The following MARK4 variants were observed in gnomAD, a reference collection of about 807,000 sequenced individuals.
MARK4 encodes the protein MAP/microtubule affinity-regulating kinase 4.
Under a neutral mutation model 81.5 loss-of-function variants are expected in MARK4, and 19 were observed. That is an observed-to-expected ratio of 0.23 (90% CI 0.16 to 0.34). MARK4 has a LOEUF of 0.34. Ranked by LOEUF, MARK4 falls within the 10% of genes least tolerant of loss-of-function variation. MARK4 has a pLI of 1.00. For missense variants in MARK4, 772 were observed against 1,058.8 expected (o/e 0.73, Z 3.76); for synonymous variants, 436 against 439.0 (o/e 0.99, Z 0.08).
intron 8 of MARK4, among the ~76,000 whole-genome samples, chr19:45,274,671 C>G (rs1054596988): frequency 6.6e-6 from 1 of 152,060 alleles, no homozygotes. Flanking sequence ...CAGGCTCTGA[C>G]ACTCCGGCCA....
intron 14 of MARK4, among the ~76,000 whole-genome samples, chr19:45,297,167 G>C (rs569941754): frequency 2.0e-5 from 3 of 152,246 alleles, no homozygotes; most frequent in East Asian, 3.9e-4. Flanking sequence ...CCCTGCTGTC[G>C]ACTAGGAGGG....
At chr19:45,300,251 A>G (rs1409317684) in intron 16 of MARK4, among the ~76,000 whole-genome samples, 1 of 148,146 alleles carries the variant, frequency 6.8e-6, no homozygotes, top group Non-Finnish European at 1.5e-5. Context: ...AGGCTGAGGC[A>G]GGAGAATCGC....
intron 16 of MARK4, among the ~76,000 whole-genome samples, chr19:45,301,779 C>T (rs62120865): frequency 0.2 from 29,790 of 149,328 alleles, 3,799 homozygotes; most frequent in Non-Finnish European, 0.3. Context: ...GCAGGAGAAT[C>T]GCTTCAACCC....
In MARK4 at chr19:45,304,784, C is replaced by A. The variant is rs1971028014; in HGVS notation, c.*2074C>A. 6.5e-6 allele frequency: 1 copy of A among 152,818 alleles called. No individual in the cohort carries two copies. The highest frequency in any genetic ancestry group is 2.1e-4 in the South Asian group (1 of 4,842). 9.5% of individuals were successfully genotyped at this position (152,818 alleles called of 1,614,324 possible). A position where few individuals can be genotyped will look rare whatever the true frequency, so the allele number is the denominator to read the frequency against. ...GGCTTCCTGGAGGAGAAGGAGCCAG[C>A]TAGACATGGATAGGAGTGCGTTTTA... On this transcript the variant is annotated 3_prime_UTR_variant, in exon 17 of 17. Transcript: ENST00000262891.
chr19:45,298,123 C>A (rs755140669), intron 15 of MARK4, 169 bp downstream of exon 15: 2 of 1,612,900 alleles, frequency 1.2e-6, no homozygotes, highest in Non-Finnish European at 1.7e-6. Context: ...TCACCCCTCA[C>A]CTCCCTCCTC....
chr19:45,254,007 A>G (rs345416), intron 1 of MARK4, among the ~76,000 whole-genome samples: 189 of 152,116 alleles, frequency 1.2e-3, no homozygotes, highest in African/African-American at 4.0e-3. Context: ...AACTCTTGTC[A>G]CTAAGACCTG....
At chr19:45,265,414 A>G (rs1036039656) in intron 6 of MARK4, among the ~76,000 whole-genome samples, 1 of 151,802 alleles carries the variant, frequency 6.6e-6, no homozygotes, top group African/African-American at 2.4e-5. Flanking sequence ...GCATGCCGGT[A>G]TGTGGGTGCC....
In MARK4 at chr19:45,280,656, A is replaced by C; in HGVS notation, c.1198A>C (p.Ser400Arg). The C allele has an allele frequency of 6.2e-7, 1 of 1,614,190 alleles. No homozygotes were observed. The highest frequency in any genetic ancestry group is 1.1e-5 in the South Asian group (1 of 91,092). The change falls in exon 12 of 17, where the codon AGC becomes CGC. Residue 400 changes from serine to arginine, a missense_variant. Ser to Arg is a moderately radical substitution (Grantham distance 110). Around this residue, in one of 3 missense-constraint regions of MARK4, gnomAD observed 548 missense variants for 624.3 expected, o/e 0.88. Transcript: ENST00000262891. ...PSDTTNGTSS[S>R]KGTSHSKGQR... ...CGACACCACCAACGGAACAAGTTCCAGCAAAGGCACCAGCCACAGCAAAGG... is the reference window on the plus strand; with the variant it reads ...CGACACCACCAACGGAACAAGTTCCCGCAAAGGCACCAGCCACAGCAAAGG...
chr19:45,257,079 TG>T (rs1970316252), intron 1 of MARK4, among the ~76,000 whole-genome samples: 2 of 151,996 alleles, frequency 1.3e-5, no homozygotes, highest in South Asian at 4.2e-4. Context: ...CTCAGCCCCC[TG>T]AGTAGCTGGG....
chr19:45,277,889 C>A, intron 8 of MARK4, 34 bp from the exon 9 acceptor site: 1 of 1,591,372 alleles, frequency 6.3e-7, no homozygotes, highest in South Asian at 1.1e-5. Flanking sequence ...GGGGGCGGGG[C>A]AGACCCCCTC....
chr19:45,251,561 C>T lies in MARK4; in HGVS notation c.-28C>T. On this transcript the variant is annotated 5_prime_UTR_variant, in exon 1 of 17. Coordinates refer to ENST00000262891, the MANE Select transcript of MARK4 (RefSeq NM_001199867.2). ...GGGACCCCCGCCCCCCCCACCCGGC[C>T]GCCCCTGCCCCCCGGGACCCGGAGA... 8.5e-7 allele frequency: 1 copy of T among 1,182,364 alleles called. No homozygotes were observed. The highest frequency in any genetic ancestry group is 1.1e-6 in the Non-Finnish European group (1 of 902,984). The allele number at this position is 1,182,364 out of a possible 1,614,324, so 73.2% of individuals were successfully genotyped here. A position where few individuals can be genotyped will look rare whatever the true frequency, so the allele number is the denominator to read the frequency against.
At chr19:45,258,933 C>T in intron 1 of MARK4, 56 bp from the exon 2 acceptor site, 2 of 1,576,342 alleles carry the variant, frequency 1.3e-6, no homozygotes, top group Admixed American at 1.7e-5. Flanking sequence ...TGCACTAGCC[C>T]ACGGGTTCCA....
At chr19:45,298,079 TTCCTCC>T (rs71173140) in intron 15 of MARK4, 125 bp downstream of exon 15, 57 of 1,496,786 alleles carry the variant, frequency 3.8e-5, no homozygotes, top group Middle Eastern at 3.5e-4. Context: ...TCCTCCTCGT[TTCCTCC>T]TCCTCCTCCT....
At chr19:45,301,631 C>T (rs1438159304) in intron 16 of MARK4, among the ~76,000 whole-genome samples, 1 of 145,450 alleles carries the variant, frequency 6.9e-6, no homozygotes, top group African/African-American at 2.6e-5. Context: ...GAGGTCGAGG[C>T]GGGCAGATCA....
intron 10 of MARK4, among the ~76,000 whole-genome samples, chr19:45,278,849 C>T (rs1970636074): frequency 6.6e-6 from 1 of 152,130 alleles, no homozygotes; most frequent in African/African-American, 2.4e-5. Flanking sequence ...AGGTGATCTG[C>T]CTGCCTCAGC....
rs1296870778 is a variant in MARK4 at position 45,280,716 on chromosome 19, C to T, written c.1258C>T (p.Arg420Cys). ...RSSSSTYHRQRRHSDFCGPSP... is the reference protein window; with the variant it reads ...RSSSSTYHRQCRHSDFCGPSP... The stretch of plus-strand genomic sequence containing the variant: ...TTCCTCTTCCACCTACCACCGCCAG[C>T]GCAGGCATAGCGATTTCTGTGAGTA... The change falls in exon 12 of 17, where the codon CGC becomes TGC. Residue 420 changes from arginine (R) to cysteine (C), a missense_variant. This residue lies in a region of MARK4 where 548 missense variants were observed against 624.3 expected (regional missense o/e 0.88). Coordinates refer to ENST00000262891, the MANE Select transcript of MARK4 (RefSeq NM_001199867.2). 6.2e-7 allele frequency: 1 copy of T among 1,614,132 alleles called. No individual in the cohort carries two copies. Among genetic ancestry groups the T allele is most frequent in the East Asian group, 2.2e-5 (1 of 44,876 alleles).
chr19:45,254,738 CTT>C (rs1419041208), intron 1 of MARK4, among the ~76,000 whole-genome samples: 1 of 152,222 alleles, frequency 6.6e-6, no homozygotes, highest in African/African-American at 2.4e-5. Context: ...GGGAGGTTGT[CTT>C]TCTGCCCCTG....
At chr19:45,291,049 C>G (rs905216027) in intron 13 of MARK4, among the ~76,000 whole-genome samples, 2 of 152,054 alleles carry the variant, frequency 1.3e-5, no homozygotes, top group Non-Finnish European at 2.9e-5. Context: ...CTGAGTATTC[C>G]GGATAAGTAC....
chr19:45,255,415 G>A (rs1270989749), intron 1 of MARK4, among the ~76,000 whole-genome samples: 1 of 151,916 alleles, frequency 6.6e-6, no homozygotes, highest in African/African-American at 2.4e-5. Context: ...ACAAAAATTA[G>A]ACGGTTGTGG....
Sources: allele counts gnomAD v4.1 joint callset (sites outside exome capture counted in the v4.1 genomes callset), GRCh38; gene constraint gnomAD v4.1.1; regional missense constraint gnomAD v4.1.1; transcripts MANE v1.5; gene names NCBI Gene and HGNC (gene_info 2026-07-23, HGNC 2026-07-21).